The following SRC variants were observed in gnomAD, a reference collection of about 807,000 sequenced individuals.
SRC encodes the protein SRC proto-oncogene, non-receptor tyrosine kinase.
In SRC, 13 loss-of-function variants were observed where a neutral mutation model predicts 62.9. The observed-to-expected ratio is 0.21, with a 90% confidence interval of 0.13 to 0.33. The LOEUF is 0.33. SRC is among the 10% of genes least tolerant of loss of function. SRC has a pLI of 1.00. For missense variants in SRC, 457 were observed against 737.3 expected, an observed-to-expected ratio of 0.62 and a Z score of 4.40; for synonymous variants, 302 against 317.5, an observed-to-expected ratio of 0.95 and a Z score of 0.52.
In SRC at chr20:37,396,308, T is replaced by G. The variant is rs751989465; in HGVS notation, c.700T>G (p.Ser234Ala). ...CCTGCAGCAGCTGGTGGCCTACTAC[T>G]CCAGTGAGCCAGCCTCGGAGGGCGG... ...NSLQQLVAYY[S>A]KHADGLCHRL... Residue 234 changes from serine (S) to alanine (A), a missense_variant, in exon 8 of 14, where the codon TCC (serine) becomes GCC (alanine). Ser to Ala is a moderately conservative substitution (Grantham distance 99). Transcript: ENST00000373578. The surrounding 1 kb of genome is among the most constrained non-coding windows in gnomAD (Gnocchi z 6.1). 3.1e-6 allele frequency: 5 copies of G among 1,612,672 alleles called. No individual in the cohort carries two copies. The Admixed American group carries it at 6.7e-5, about 22-fold the overall frequency.
chr20:37,399,427 C>G (rs1433107606), intron 9 of SRC, among the ~76,000 whole-genome samples: 1 of 152,192 alleles, frequency 6.6e-6, no homozygotes, highest in Non-Finnish European at 1.5e-5. Context: ...ATTGCATTTG[C>G]TAACACATGA....
rs1375995518 is a variant in SRC, at chr20:37,397,199, T to A, written c.704-500T>A. 1.3e-5 allele frequency among the ~76,000 whole-genome samples: 2 copies of A among 152,182 alleles called. No individual in the cohort carries two copies. Among genetic ancestry groups the A allele is most frequent in the African/African-American group, 4.8e-5 (2 of 41,442 alleles). On this transcript the variant is annotated intron_variant, in intron 8 of 13. Transcript: ENST00000373578. The surrounding 1 kb of genome is among the most constrained non-coding windows in gnomAD (Gnocchi z 4.1). ...CTTCTCCAGCCCTGCAGCTGTTCTT[T>A]CCTCAGAGCCTTTGCTCTGGCTGTG...
intron 5 of SRC, among the ~76,000 whole-genome samples, chr20:37,391,618 C>T (rs993400304): frequency 2.6e-5 from 4 of 152,132 alleles, no homozygotes; most frequent in Non-Finnish European, 5.9e-5. Flanking sequence ...CTTTGGGAGG[C>T]CGAGGTGGGC....
Position 37,402,943 on chromosome 20 carries a change from A to G in SRC, c.1402+63A>G, listed in dbSNP as rs576364477. ...TCCCTCTGCCCTGGTGGCCTTGGGC[A>G]AGTCATGACTCCTGCTGGGCCTGTT... On this transcript the variant is annotated intron_variant, in intron 13 of 13. Coordinates refer to ENST00000373578, the MANE Select transcript of SRC (RefSeq NM_198291.3). This position sits in a 1 kb window ranked among gnomAD's most constrained non-coding sequence, Gnocchi z 6.2. The G allele has an allele frequency of 4.2e-5, 66 of 1,558,792 alleles. No individual in the cohort carries two copies. The highest frequency in any genetic ancestry group is 5.3e-5 in the Non-Finnish European group (61 of 1,154,142).
chr20:37,383,822 C>T (rs2070400941), intron 3 of SRC: 1 of 304,288 alleles, frequency 3.3e-6, no homozygotes, highest in Admixed American at 5.8e-5. Context: ...GCCTCTGCCT[C>T]CCCTGTTCAA....
intron 1 of SRC, among the ~76,000 whole-genome samples, chr20:37,352,573 C>G (rs1037880688): frequency 2.0e-5 from 3 of 152,222 alleles, no homozygotes; most frequent in African/African-American, 7.2e-5. Flanking sequence ...CCTGGCCTCC[C>G]TCCTCCGCCT....
intron 2 of SRC, among the ~76,000 whole-genome samples, chr20:37,370,295 C>T (rs576351175): frequency 2.3e-4 from 35 of 152,334 alleles, no homozygotes; most frequent in African/African-American, 8.2e-4. Flanking sequence ...CCAACTTTGG[C>T]TGGGCTTGGT....
intron 2 of SRC, among the ~76,000 whole-genome samples, chr20:37,381,685 G>A (rs1392855116): frequency 1.3e-5 from 2 of 152,176 alleles, no homozygotes; most frequent in Admixed American, 1.3e-4. Context: ...TGGCTAGGGG[G>A]CGGGCTGGTT....
At chr20:37,345,215 A>G (rs1407713026), upstream of SRC, among the ~76,000 whole-genome samples, 2 of 152,166 alleles carry the variant, frequency 1.3e-5, no homozygotes, top group African/African-American at 4.8e-5. Flanking sequence ...TCCCTGTGCT[A>G]GGATTCCAGG....
intron 2 of SRC, among the ~76,000 whole-genome samples, chr20:37,381,953 T>C (rs1334420680): frequency 1.3e-5 from 2 of 152,012 alleles, no homozygotes; most frequent in Non-Finnish European, 2.9e-5. Flanking sequence ...ATGCAAACCA[T>C]ACCCCCATTG....
In SRC at chr20:37,405,320, G is replaced by A. The variant is rs1184987077; in HGVS notation, c.*1941G>A. ...GGCTCTGGGCCGGGCCTGGGGCTCCGAAATTCCAAGGCCCAGACTTGCGGG... is the reference window on the plus strand; with the variant it reads ...GGCTCTGGGCCGGGCCTGGGGCTCCAAAATTCCAAGGCCCAGACTTGCGGG... On this transcript the variant is annotated 3_prime_UTR_variant, in exon 14 of 14. Coordinates refer to ENST00000373578, the MANE Select transcript of SRC (RefSeq NM_198291.3). The A allele has an allele frequency of 2.3e-5, 3 of 131,302 alleles. No individual in the cohort carries two copies. The highest frequency in any genetic ancestry group is 2.5e-4 in the East Asian group (1 of 4,046). 8.1% of individuals were successfully genotyped at this position (131,302 alleles called of 1,614,324 possible).
intron 2 of SRC, among the ~76,000 whole-genome samples, chr20:37,381,009 G>A (rs531488318): frequency 1.3e-5 from 2 of 152,060 alleles, no homozygotes; most frequent in South Asian, 2.1e-4. Flanking sequence ...GTCCTGACAC[G>A]GGTGTTATTC....
At chr20:37,366,827 G>A (rs2070069826) in intron 2 of SRC, among the ~76,000 whole-genome samples, 1 of 152,106 alleles carries the variant, frequency 6.6e-6, no homozygotes, top group Non-Finnish European at 1.5e-5. Context: ...TGCTGTTCTG[G>A]ACATTCATGC....
In SRC at chr20:37,357,019, G is replaced by A. The variant is rs112317279; in HGVS notation, c.-246-8185G>A. Among the ~76,000 whole-genome samples the A allele has an allele frequency of 8.8e-3, 1,339 of 152,314 alleles. 12 individuals carry two copies. The highest frequency in any genetic ancestry group is 0.027 in the Middle Eastern group (8 of 292). ...GAAGAGCTGTGCCAGCACTCTGCCC[G>A]CCTCGTGGGTCTGTGTCTAGAGCTG... is the stretch of plus-strand genomic sequence containing the variant. On this transcript the variant is annotated intron_variant, in intron 1 of 13. Transcript: ENST00000373578.
In SRC at chr20:37,396,144, C is replaced by T. The variant is rs1032372078; in HGVS notation, c.554-18C>T. 6.2e-7 allele frequency: 1 copy of T among 1,608,800 alleles called. No homozygotes were observed. The highest frequency in any genetic ancestry group is 1.3e-5 in the African/African-American group (1 of 74,998). On this transcript the variant is annotated intron_variant, in intron 7 of 13. Transcript: ENST00000373578. This position sits in a 1 kb window ranked among gnomAD's most constrained non-coding sequence, Gnocchi z 6.1. ...GGGAGAGGGCATGGCGGTCACGGCT[C>T]CCCTCGGTGCCCCGCAGGTGCCTAC...
In SRC at chr20:37,384,550, TG is replaced by T. The variant is rs1413904310; in HGVS notation, c.250+154del. 3.1e-4 allele frequency: 50 copies of T among 163,614 alleles called. No individual in the cohort carries two copies. Among genetic ancestry groups the T allele is most frequent in the East Asian group, 6.4e-4 (4 of 6,234 alleles). 10.1% of individuals were successfully genotyped at this position (163,614 alleles called of 1,614,324 possible). On this transcript the variant is annotated intron_variant, in intron 4 of 13. Coordinates refer to ENST00000373578, the MANE Select transcript of SRC (RefSeq NM_198291.3). This position sits in a 1 kb window ranked among gnomAD's most constrained non-coding sequence, Gnocchi z 6.7. The stretch of plus-strand genomic sequence containing the variant: ...CTGGGTGACTTGGGTGTCCGGGGGG[TG>T]GGGGGGCGGCCGTACACACTGTGAA...
rs1283183346 is a variant in SRC, at chr20:37,360,131, G to C, written c.-246-5073G>C. Among the ~76,000 whole-genome samples the C allele has an allele frequency of 3.3e-5, 5 of 150,558 alleles. No individual in the cohort carries two copies. The East Asian group carries it at 5.8e-4, about 18-fold the overall frequency. The stretch of plus-strand genomic sequence containing the variant: ...AATATTTCAGTGTGTATCTCTAAAA[G>C]ACAAGGACTCTTGTGTTTAAAAAGT... On this transcript the variant is annotated intron_variant, in intron 1 of 13. Transcript: ENST00000373578.
chr20:37,388,878 C>T (rs1215266701), intron 5 of SRC, among the ~76,000 whole-genome samples: 3 of 152,132 alleles, frequency 2.0e-5, no homozygotes, highest in Non-Finnish European at 4.4e-5. Flanking sequence ...GAGTCTCACA[C>T]CTCATCCCGG....
At chr20:37,365,932 C>A (rs1600970137) in intron 2 of SRC, among the ~76,000 whole-genome samples, 2 of 152,058 alleles carry the variant, frequency 1.3e-5, no homozygotes, top group Admixed American at 1.3e-4. Flanking sequence ...TCTACCCTGT[C>A]CAACACACAC....
Sources: allele counts gnomAD v4.1 joint callset (sites outside exome capture counted in the v4.1 genomes callset), GRCh38; gene constraint gnomAD v4.1.1; non-coding constraint Gnocchi (gnomAD v3.1); transcripts MANE v1.5; gene names NCBI Gene and HGNC (gene_info 2026-07-23, HGNC 2026-07-21).